MEI4: variants seen among roughly 807,000 people sequenced by gnomAD.
MEI4 encodes meiotic double-stranded break formation protein 4.
Under a neutral mutation model 31.4 loss-of-function variants are expected in MEI4, and 27 were observed. That is an observed-to-expected ratio of 0.86 (90% CI 0.63 to 1.19). The LOEUF is 1.19. Ranked by LOEUF, MEI4 falls within the 50% of genes most tolerant of loss-of-function variation. The pLI is 0.00. For missense variants in MEI4, 329 were observed against 398.9 expected (o/e 0.82, Z 1.49); for synonymous variants, 122 against 145.4 (o/e 0.84, Z 1.16).
At chr6:77,721,844 C>T (rs1406166315) in intron 2 of MEI4, among the ~76,000 whole-genome samples, 1 of 89,138 alleles carries the variant, frequency 1.1e-5, no homozygotes, top group Non-Finnish European at 2.2e-5. Flanking sequence ...GCATTGGCAA[C>T]CTCTGCTTGC....
At chr6:77,752,473 CAGAG>C (rs970047457) in intron 2 of MEI4, among the ~76,000 whole-genome samples, 15 of 152,224 alleles carry the variant, frequency 9.9e-5, no homozygotes, top group South Asian at 2.1e-4. Context: ...CAAGAACAGA[CAGAG>C]AGCCAAATCA....
intron 3 of MEI4, among the ~76,000 whole-genome samples, chr6:77,800,943 C>G (rs1048989667): frequency 6.6e-6 from 1 of 152,106 alleles, no homozygotes; most frequent in Non-Finnish European, 1.5e-5. Flanking sequence ...GGATATTAGT[C>G]TAAAATTCTC....
At position 77,710,392 on chromosome 6, in the gene MEI4, C is replaced by T. The variant is rs182993534; in HGVS notation, c.232+19489C>T. On this transcript the variant is annotated intron_variant, in intron 2 of 4. Transcript: ENST00000684080. Reference sequence around the variant, plus strand: ...CAAAAATTAGCTGGGTGTGGTGGTGCGCACCTGTAGTCCCAGCTACTTGGG... The same window carrying T: ...CAAAAATTAGCTGGGTGTGGTGGTGTGCACCTGTAGTCCCAGCTACTTGGG... Among the ~76,000 whole-genome samples, 14 of 151,524 alleles carry T rather than the reference C, an allele frequency of 9.2e-5. No homozygotes were observed. The East Asian group carries it at 9.8e-4, about 11-fold the overall frequency.
intron 3 of MEI4, among the ~76,000 whole-genome samples, chr6:77,774,237 A>G (rs1369082952): frequency 6.6e-6 from 1 of 152,104 alleles, no homozygotes; most frequent in Non-Finnish European, 1.5e-5. Context: ...ATTATTCACA[A>G]TAGCTAAAAC....
intron 1 of MEI4, among the ~76,000 whole-genome samples, chr6:77,662,819 C>G (rs1341000336): frequency 1.4e-5 from 2 of 144,804 alleles, no homozygotes; most frequent in African/African-American, 5.2e-5. Flanking sequence ...ACATGATTGG[C>G]AGGGAGAGCA....
chr6:77,780,020 A>C (rs1354447512), intron 3 of MEI4, among the ~76,000 whole-genome samples: 2 of 152,220 alleles, frequency 1.3e-5, no homozygotes, highest in Non-Finnish European at 2.9e-5. Context: ...AGACTTCTTC[A>C]GGTCAGCTTA....
At chr6:77,792,032 G>T (rs1768951294) in intron 3 of MEI4, among the ~76,000 whole-genome samples, 1 of 152,162 alleles carries the variant, frequency 6.6e-6, no homozygotes, top group Admixed American at 6.5e-5. Flanking sequence ...ATGTAAGAGA[G>T]ATTATAGGGT....
intron 2 of MEI4, among the ~76,000 whole-genome samples, chr6:77,733,424 C>G (rs140587645): frequency 2.0e-5 from 3 of 151,798 alleles, no homozygotes; most frequent in African/African-American, 7.3e-5. Flanking sequence ...TAGAGGTGTT[C>G]GTAGTATTCT....
chr6:77,742,288 T>G (rs1287799619), intron 2 of MEI4, among the ~76,000 whole-genome samples: 3 of 151,690 alleles, frequency 2.0e-5, no homozygotes, highest in Non-Finnish European at 4.4e-5. Context: ...ACCTGTTGTT[T>G]CCTGACTTTT....
chr6:77,855,113 C>T lies in MEI4; in HGVS notation c.900+26051C>T, dbSNP rs556760219. Among the ~76,000 whole-genome samples the T allele has an allele frequency of 2.6e-5, 4 of 152,112 alleles. No individual in the cohort carries two copies. In the South Asian group the frequency reaches 6.2e-4, roughly 24 times the overall value. On this transcript the variant is annotated intron_variant, in intron 4 of 4. Transcript: ENST00000684080. ...CAGCCAGCACGTTGGGAGGCCAAGG[C>T]GGGCAGATCACCTGAGGTCAGGAGT...
chr6:77,752,575 A>G (rs2127678480), intron 2 of MEI4, among the ~76,000 whole-genome samples: 1 of 152,336 alleles, frequency 6.6e-6, no homozygotes, highest in Non-Finnish European at 1.5e-5. Context: ...CTCTTCAAGG[A>G]GAACTACAAA....
In MEI4 at chr6:77,849,970, G is replaced by A. The variant is rs755060157; in HGVS notation, c.900+20908G>A. On this transcript the variant is annotated intron_variant, in intron 4 of 4. Coordinates refer to ENST00000684080, the MANE Select transcript of MEI4 (RefSeq NM_001322247.2). ...AGTATAAAAGCAGTGGCAGAACGCG[G>A]TACAAATTAATAGCAATTTTATGTC... Among the ~76,000 whole-genome samples, 4 of 152,256 alleles carry A rather than the reference G, an allele frequency of 2.6e-5. No individual in the cohort carries two copies. The South Asian group carries it at 6.2e-4, about 24-fold the overall frequency.
rs930178074 is a variant in MEI4 at position 77,704,374 on chromosome 6, G to A, written c.232+13471G>A. ...TGCTTCAACTCTTGTCTAAGAAGTC[G>A]TCCTCCCCTCTTGCCTTGATTATAG... On this transcript the variant is annotated intron_variant, in intron 2 of 4. Coordinates refer to ENST00000684080, the MANE Select transcript of MEI4 (RefSeq NM_001322247.2). 3.9e-5 allele frequency among the ~76,000 whole-genome samples: 6 copies of A among 152,024 alleles called. No individual in the cohort carries two copies. In the East Asian group the frequency reaches 1.2e-3, roughly 29 times the overall value.
Position 77,926,209 on chromosome 6 carries a change from A to G in MEI4, c.*2863A>G, listed in dbSNP as rs1391564775. 1 of 151,974 alleles carries G rather than the reference A, an allele frequency of 6.6e-6. No homozygotes were observed. 9.4% of individuals were successfully genotyped at this position (151,974 alleles called of 1,614,324 possible). Reference sequence around the variant, plus strand: ...TTAACTATGAACCTTAAGGCACAACAGTGGAAATTACTAGCTTATGATTAG... The same window carrying G: ...TTAACTATGAACCTTAAGGCACAACGGTGGAAATTACTAGCTTATGATTAG... On this transcript the variant is annotated 3_prime_UTR_variant, in exon 5 of 5. Transcript: ENST00000684080.
In MEI4 at chr6:77,794,403, A is replaced by C. The variant is rs1296727757; in HGVS notation, c.768+32738A>C. ...ACGGTGAAATCCCGTCTCTACTAAA[A>C]ATACAAAATATTAGCCGGGTGTGGT... On this transcript the variant is annotated intron_variant, in intron 3 of 4. Transcript: ENST00000684080. Among the ~76,000 whole-genome samples, 4 of 152,240 alleles carry C rather than the reference A, an allele frequency of 2.6e-5. No individual in the cohort carries two copies. In the South Asian group the frequency reaches 6.2e-4, roughly 24 times the overall value.
At chr6:77,728,242 G>A (rs1056810282) in intron 2 of MEI4, among the ~76,000 whole-genome samples, 1 of 152,128 alleles carries the variant, frequency 6.6e-6, no homozygotes, top group African/African-American at 2.4e-5. Context: ...TAATTAATAG[G>A]TACTTAAATG....
At chr6:77,782,157 C>T (rs1237612437) in intron 3 of MEI4, among the ~76,000 whole-genome samples, 1 of 151,872 alleles carries the variant, frequency 6.6e-6, no homozygotes, top group African/African-American at 2.4e-5. Flanking sequence ...TGAATTCTGG[C>T]ATTTAGAATT....
Position 77,833,700 on chromosome 6 carries a change from T to A in MEI4, c.900+4638T>A, listed in dbSNP as rs183115048. On this transcript the variant is annotated intron_variant, in intron 4 of 4. Coordinates refer to ENST00000684080, the MANE Select transcript of MEI4 (RefSeq NM_001322247.2). Reference sequence around the variant, plus strand: ...TTGTTACATAGGTATACATGCGCCATGGTGGTTTGCTGCACCCATCAACCC... The same window carrying A: ...TTGTTACATAGGTATACATGCGCCAAGGTGGTTTGCTGCACCCATCAACCC... 2.1e-4 allele frequency among the ~76,000 whole-genome samples: 32 copies of A among 152,296 alleles called. No homozygotes were observed. The East Asian group carries it at 6.0e-3, about 28-fold the overall frequency.
chr6:77,830,389 G>A (rs1179759034), intron 4 of MEI4, among the ~76,000 whole-genome samples: 3 of 151,966 alleles, frequency 2.0e-5, no homozygotes, highest in Admixed American at 6.6e-5. Flanking sequence ...TTTAATATTC[G>A]CAATAGCTCC....
Sources: gnomAD v4.1 joint callset for allele counts (sites outside exome capture counted in the v4.1 genomes callset) on GRCh38, gnomAD v4.1.1 for gene constraint, MANE v1.5 for transcripts, NCBI Gene and HGNC (gene_info 2026-07-23, HGNC 2026-07-21) for gene names.